The following SYNDIG1L variants were observed in gnomAD, a reference collection of about 807,000 sequenced individuals.
SYNDIG1L encodes synapse differentiation-inducing gene protein 1-like.
Under a neutral mutation model 20.1 loss-of-function variants are expected in SYNDIG1L, and 13 were observed. The ratio of observed to expected loss-of-function variants is 0.65; its 90% CI spans 0.42 to 1.03. The LOEUF is 1.03. Among genes scored for constraint, SYNDIG1L ranks in the 50% least tolerant of loss-of-function variants. The pLI is 0.00. For synonymous variants in SYNDIG1L, 128 were observed against 129.3 expected (o/e 0.99, Z 0.07); for missense variants, 294 against 305.1 (o/e 0.96, Z 0.27).
chr14:74,471,824 A>T, the SYNDIG1L span: 1 of 152,090 alleles, frequency 6.6e-6, no homozygotes, highest in Non-Finnish European at 1.5e-5. Context: ...TGATTTTCAA[A>T]ACTTCAATTC....
At chr14:74,429,162 G>C (rs961527429), upstream of SYNDIG1L, among the ~76,000 whole-genome samples, 5 of 152,216 alleles carry the variant, frequency 3.3e-5, no homozygotes, top group Admixed American at 3.3e-4. Flanking sequence ...AGAGCTGACT[G>C]GGGCAGAGCA....
chr14:74,427,136 T>TTTTTTG (rs2086273453), upstream of SYNDIG1L, among the ~76,000 whole-genome samples: 1 of 150,222 alleles, frequency 6.7e-6, no homozygotes. Context: ...TTTTTTTTTT[T>TTTTTTG]GCATGGGGAT....
the SYNDIG1L span, among the ~76,000 whole-genome samples, chr14:74,470,939 C>T: frequency 2.0e-5 from 3 of 152,154 alleles, no homozygotes; most frequent in Non-Finnish European, 2.9e-5. Context: ...CTGGGCCGGA[C>T]AGTGAGCAAG....
the SYNDIG1L span, among the ~76,000 whole-genome samples, chr14:74,463,333 A>G: frequency 0.051 from 7,731 of 152,084 alleles, 407 homozygotes; most frequent in South Asian, 0.18. Context: ...TCTCTTTACT[A>G]TCTGTCCATC....
intron 1 of SYNDIG1L, among the ~76,000 whole-genome samples, chr14:74,417,963 C>A (rs896769280): frequency 1.2e-4 from 19 of 152,200 alleles, no homozygotes; most frequent in African/African-American, 4.6e-4. Context: ...GAGATACTGA[C>A]CACTATCTCT....
At chr14:74,422,988 T>C (rs954043597) in intron 1 of SYNDIG1L, among the ~76,000 whole-genome samples, 5 of 152,152 alleles carry the variant, frequency 3.3e-5, no homozygotes, top group South Asian at 4.1e-4. Context: ...CGTGAGCCAC[T>C]GCACCTGGCC....
At chr14:74,435,998 C>T in the SYNDIG1L span, among the ~76,000 whole-genome samples, 33 of 152,248 alleles carry the variant, frequency 2.2e-4, no homozygotes, top group Non-Finnish European at 4.1e-4. Context: ...GCCTCAAACC[C>T]ATTATCACTG....
chr14:74,429,370 T>A (rs1480384275), upstream of SYNDIG1L, among the ~76,000 whole-genome samples: 3 of 152,266 alleles, frequency 2.0e-5, no homozygotes, highest in Non-Finnish European at 4.4e-5. Flanking sequence ...CAGCTCCGGC[T>A]GCTAATCTCT....
the SYNDIG1L span, among the ~76,000 whole-genome samples, chr14:74,465,116 A>G: frequency 6.6e-6 from 1 of 152,002 alleles, no homozygotes; most frequent in Non-Finnish European, 1.5e-5. Context: ...CTGGCCCACC[A>G]CCCATCTGGA....
the SYNDIG1L span, among the ~76,000 whole-genome samples, chr14:74,471,342 A>G: frequency 6.6e-6 from 1 of 152,170 alleles, no homozygotes; most frequent in Non-Finnish European, 1.5e-5. Flanking sequence ...TTATACCTGT[A>G]ATACAACACT....
chr14:74,440,647 TG>T, the SYNDIG1L span, among the ~76,000 whole-genome samples: 1 of 151,762 alleles, frequency 6.6e-6, no homozygotes, highest in Non-Finnish European at 1.5e-5. Context: ...ATCACGCCAC[TG>T]AACTCCAGCC....
Position 74,407,951 on chromosome 14 carries a change from G to A in SYNDIG1L, c.456C>T (p.Asn152=). Residue 152 remains asparagine, a synonymous_variant, in exon 3 of 4, where the codon AAC becomes AAT. Coordinates refer to ENST00000331628, the MANE Select transcript of SYNDIG1L (RefSeq NM_001105579.2). ...ATSTESESED[N]FLTLPPRDHL... ...GGTCCCTGGGAGGCAGCGTGAGGAA[G>A]TTGTCTTCACTTTCACTCTCCGTTG... The A allele has an allele frequency of 1.2e-6, 2 of 1,613,574 alleles. No individual in the cohort carries two copies. Among genetic ancestry groups the A allele is most frequent in the African/African-American group, 1.3e-5 (1 of 75,004 alleles).
chr14:74,407,564 C>T lies in SYNDIG1L; in HGVS notation c.688G>A (p.Ala230Thr). The change falls in exon 4 of 4, where the codon GCT (alanine) becomes ACT (threonine). Residue 230 changes from alanine to threonine, a missense_variant. Ala to Thr is a moderately conservative substitution (Grantham distance 58). Coordinates refer to ENST00000331628, the MANE Select transcript of SYNDIG1L (RefSeq NM_001105579.2). ...LYVAVVVALA[A>T]YMSQNGHG ...CCATGACCGTTCTGGGACATGTAAG[C>T]TGCCAGAGCCACCACCACAGCCACG... is the stretch of plus-strand genomic sequence containing the variant. The T allele has an allele frequency of 6.2e-7, 1 of 1,614,026 alleles. No homozygotes were observed. The highest frequency in any genetic ancestry group is 8.5e-7 in the Non-Finnish European group (1 of 1,179,964).
chr14:74,446,884 T>C, the SYNDIG1L span, among the ~76,000 whole-genome samples: 1 of 152,140 alleles, frequency 6.6e-6, no homozygotes, highest in Non-Finnish European at 1.5e-5. Flanking sequence ...CCCAAAGTCC[T>C]AGGATTACAG....
chr14:74,461,345 TCCCCAACATCTC>T, the SYNDIG1L span, among the ~76,000 whole-genome samples: 1 of 152,078 alleles, frequency 6.6e-6, no homozygotes, highest in African/African-American at 2.4e-5. Flanking sequence ...TACAGCACCT[TCCCCAACATCTC>T]CCTCCATATT....
At chr14:74,434,211 T>C in the SYNDIG1L span, among the ~76,000 whole-genome samples, 1 of 152,224 alleles carries the variant, frequency 6.6e-6, no homozygotes, top group African/African-American at 2.4e-5. Flanking sequence ...CTCTGCAATA[T>C]GCATGCACTA....
the SYNDIG1L span, among the ~76,000 whole-genome samples, chr14:74,454,258 T>C: frequency 1.3e-5 from 2 of 152,240 alleles, no homozygotes; most frequent in African/African-American, 2.4e-5. Flanking sequence ...GTTTACTTCA[T>C]ATTTTTCTTT....
chr14:74,430,505 G>A (rs1326525361), upstream of SYNDIG1L, among the ~76,000 whole-genome samples: 8 of 145,964 alleles, frequency 5.5e-5, no homozygotes, highest in Admixed American at 2.1e-4. Context: ...GCATGATCTC[G>A]GCTCACTGCA....
chr14:74,421,805 C>T (rs989821388), intron 1 of SYNDIG1L, among the ~76,000 whole-genome samples: 2 of 152,142 alleles, frequency 1.3e-5, no homozygotes, highest in Admixed American at 6.5e-5. Context: ...GATGGGGGAA[C>T]CTGGGAAAGA....
Sources: allele counts gnomAD v4.1 joint callset (sites outside exome capture counted in the v4.1 genomes callset), GRCh38; gene constraint gnomAD v4.1.1; transcripts MANE v1.5; gene names NCBI Gene and HGNC (gene_info 2026-07-23, HGNC 2026-07-21).